WDR27: variants seen among roughly 807,000 people sequenced by gnomAD.
WDR27 encodes the protein WD repeat-containing protein 27.
A neutral mutation model predicts 114.4 loss-of-function variants in WDR27; 100 were observed. That is an observed-to-expected ratio of 0.87 (90% CI 0.74 to 1.03). The LOEUF is 1.03. WDR27 is among the 50% of genes least tolerant of loss of function. The pLI is 0.00. For synonymous variants in WDR27, 449 were observed against 423.1 expected, an observed-to-expected ratio of 1.06 and a Z score of -0.75; for missense variants, 1,129 against 1,092.9, an observed-to-expected ratio of 1.03 and a Z score of -0.47.
intron 25 of WDR27, among the ~76,000 whole-genome samples, chr6:169,536,501 T>C (rs1400101523): frequency 3.9e-5 from 6 of 152,164 alleles, no homozygotes; most frequent in Non-Finnish European, 8.8e-5. Flanking sequence ...GCAGAACTAA[T>C]GAAACTGGTC....
At chr6:169,442,868 C>A in the WDR27 span, among the ~76,000 whole-genome samples, 1 of 152,192 alleles carries the variant, frequency 6.6e-6, no homozygotes, top group East Asian at 1.9e-4. Flanking sequence ...CTGCAGGCCA[C>A]CACCACCCCC....
At chr6:169,455,613 C>T (rs987535729), downstream of WDR27, among the ~76,000 whole-genome samples, 8 of 152,216 alleles carry the variant, frequency 5.3e-5, no homozygotes, top group East Asian at 1.9e-4. Context: ...CACTGCTGAT[C>T]GGAACCAGGC....
Position 169,688,741 on chromosome 6 carries a change from TG to T in WDR27, c.189+75del, listed in dbSNP as rs1304528084. On this transcript the variant is annotated intron_variant, in intron 2 of 25. Transcript: ENST00000448612. ...TAGCTGAATCCACAGAGGGTAATGC[TG>T]TCCGAACAGCATCAAAGACATGGAG... The T allele has an allele frequency of 2.6e-6, 3 of 1,161,498 alleles. No homozygotes were observed. The African/African-American group carries it at 4.7e-5, about 18-fold the overall frequency. The allele number at this position is 1,161,498 out of a possible 1,614,324, so 71.9% of individuals were successfully genotyped here. A position where few individuals can be genotyped will look rare whatever the true frequency, so the allele number is the denominator to read the frequency against.
chr6:169,441,426 G>T, the WDR27 span, among the ~76,000 whole-genome samples: 1 of 152,346 alleles, frequency 6.6e-6, no homozygotes, highest in African/African-American at 2.4e-5. Context: ...GTAGATTAGA[G>T]TCAGACCAGC....
chr6:169,577,296 C>CCCGCGCCGAGGAGGGGGCGT (rs1802533287), intron 24 of WDR27, among the ~76,000 whole-genome samples: 1 of 152,116 alleles, frequency 6.6e-6, no homozygotes, highest in Non-Finnish European at 1.5e-5. Flanking sequence ...TCCGGGCAGG[C>CCCGCGCCGAGGAGGGGGCGT]CCGCGCCGAG....
chr6:169,443,765 T>G, the WDR27 span, among the ~76,000 whole-genome samples: 1 of 152,140 alleles, frequency 6.6e-6, no homozygotes, highest in African/African-American at 2.4e-5. Context: ...TAGCAGCTCT[T>G]GGGTCCTCAT....
chr6:169,644,444 G>C (rs970978255), intron 16 of WDR27, among the ~76,000 whole-genome samples: 1 of 142,670 alleles, frequency 7.0e-6, no homozygotes, highest in African/African-American at 2.8e-5. Context: ...CTGTAGAAAA[G>C]CCTAGTTCAC....
intron 25 of WDR27, among the ~76,000 whole-genome samples, chr6:169,531,560 C>G (rs1295379411): frequency 6.6e-6 from 1 of 152,174 alleles, no homozygotes. Flanking sequence ...CTGAGTGTTA[C>G]CTGCTCTACT....
intron 3 of WDR27, 124 bp from the exon 4 acceptor site, chr6:169,670,817 G>T: frequency 7.5e-7 from 1 of 1,326,542 alleles, no homozygotes; most frequent in Non-Finnish European, 1.0e-6. Context: ...AATGAGCTTT[G>T]ATGTGATTTT....
In WDR27 at chr6:169,457,496, G is replaced by T. The variant is rs1041220349; in HGVS notation, c.*96C>A. 6 of 1,067,194 alleles carry T rather than the reference G, an allele frequency of 5.6e-6. No individual in the cohort carries two copies. In the African/African-American group the frequency reaches 6.6e-5, roughly 12 times the overall value. The allele number at this position is 1,067,194 out of a possible 1,614,324, so 66.1% of individuals were successfully genotyped here. ...TCTCAAAATATGAAAAACAGTTGCT[G>T]CTTCTGGCCCCCTGATGGATGAACC... On this transcript the variant is annotated 3_prime_UTR_variant, in exon 26 of 26. Transcript: ENST00000448612.
At chr6:169,595,916 T>C (rs887416240) in intron 23 of WDR27, among the ~76,000 whole-genome samples, 1 of 152,116 alleles carries the variant, frequency 6.6e-6, no homozygotes, top group South Asian at 2.1e-4. Flanking sequence ...GATTCTCTTT[T>C]TGAGTAAGTA....
intron 23 of WDR27, among the ~76,000 whole-genome samples, chr6:169,595,852 G>T (rs1806687819): frequency 6.9e-6 from 1 of 145,044 alleles, no homozygotes; most frequent in Non-Finnish European, 1.5e-5. Context: ...ATAACTGTGT[G>T]TCTGGTTTTA....
chr6:169,448,401 T>TGTGGGG, the WDR27 span, among the ~76,000 whole-genome samples: 30 of 149,792 alleles, frequency 2.0e-4, no homozygotes, highest in African/African-American at 3.7e-4. Context: ...TATGTGTGTG[T>TGTGGGG]GTGTGTGTGT....
At chr6:169,460,403 T>C (rs1583560887) in intron 25 of WDR27, among the ~76,000 whole-genome samples, 1 of 152,206 alleles carries the variant, frequency 6.6e-6, no homozygotes, top group East Asian at 1.9e-4. Context: ...TACATGTAAT[T>C]CCCATGGTAG....
intron 21 of WDR27, among the ~76,000 whole-genome samples, chr6:169,617,626 T>C (rs926536093): frequency 6.6e-6 from 1 of 152,194 alleles, no homozygotes; most frequent in Non-Finnish European, 1.5e-5. Context: ...TCCACCCACC[T>C]CTGCCTCCCA....
At chr6:169,629,041 A>G (rs1249835083) in intron 21 of WDR27, among the ~76,000 whole-genome samples, 1 of 152,246 alleles carries the variant, frequency 6.6e-6, no homozygotes, top group Non-Finnish European at 1.5e-5. Flanking sequence ...TTATATATGC[A>G]AAAGGTTAGA....
At chr6:169,486,132 T>C (rs539292392) in intron 25 of WDR27, among the ~76,000 whole-genome samples, 22 of 151,216 alleles carry the variant, frequency 1.5e-4, no homozygotes, top group African/African-American at 5.1e-4. Flanking sequence ...AATCTGCACA[T>C]GTACCCCTGA....
rs1784424625 is a variant in WDR27 at position 169,457,627 on chromosome 6, G to A, written c.2653C>T (p.Gln885Ter). The change falls in exon 26 of 26, where the codon CAG (glutamine) becomes TAG (stop). Residue 885 changes from glutamine (Q) to a stop codon, truncating the protein, a stop_gained. Coordinates refer to ENST00000448612, the MANE Select transcript of WDR27 (RefSeq NM_182552.5). LOFTEE classifies it high-confidence loss of function. Reference sequence around the variant, plus strand: ...CTGGAGTTTACCATCCAAGGTAGCTGTGGCAAGCTGTAATTGAAAATAAAA... The same window carrying A: ...CTGGAGTTTACCATCCAAGGTAGCTATGGCAAGCTGTAATTGAAAATAAAA... ...LPSSWDYSLP[Q>*]LPWMVNSSSF is the part of the protein sequence containing the mutation. 2.6e-6 allele frequency: 4 copies of A among 1,551,560 alleles called. No homozygotes were observed. In the South Asian group the frequency reaches 3.6e-5, roughly 14 times the overall value.
chr6:169,590,860 G>A (rs1247021895), intron 23 of WDR27, among the ~76,000 whole-genome samples: 5 of 152,154 alleles, frequency 3.3e-5, no homozygotes, highest in South Asian at 4.2e-4. Context: ...CTGTGTCTAC[G>A]CTCCATGTTC....
Sources: gnomAD v4.1 joint callset for allele counts (sites outside exome capture counted in the v4.1 genomes callset) on GRCh38, gnomAD v4.1.1 for gene constraint, MANE v1.5 for transcripts, NCBI Gene and HGNC (gene_info 2026-07-23, HGNC 2026-07-21) for gene names.